FGF12: variants seen among roughly 807,000 people sequenced by gnomAD.
FGF12 encodes fibroblast growth factor 12.
FGF12 carries 14 observed loss-of-function variants against 23.6 expected under a neutral mutation model. The ratio of observed to expected loss-of-function variants is 0.59; its 90% CI spans 0.39 to 0.93. The LOEUF (loss-of-function observed/expected upper bound fraction) is 0.93. FGF12 is among the 40% of genes least tolerant of loss of function. The pLI is 0.00. For synonymous variants in FGF12, 62 were observed against 77.3 expected (o/e 0.80, Z 1.04); for missense variants, 175 against 217.8 (o/e 0.80, Z 1.24).
At chr3:192,524,637 G>A (rs948217960) in intron 2 of FGF12, among the ~76,000 whole-genome samples, 1 of 152,168 alleles carries the variant, frequency 6.6e-6, no homozygotes, top group African/African-American at 2.4e-5. Flanking sequence ...ACAAGTGTAC[G>A]TATGTATATA....
In FGF12 at chr3:192,408,490, C is replaced by A; in HGVS notation, c.14-47952G>T. The A allele has an allele frequency of 7.7e-7, 1 of 1,302,532 alleles. No homozygotes were observed. The highest frequency in any genetic ancestry group is 9.7e-7 in the Non-Finnish European group (1 of 1,026,972). 80.7% of individuals were successfully genotyped at this position (1,302,532 alleles called of 1,614,324 possible). A position where few individuals can be genotyped will look rare whatever the true frequency, so the allele number is the denominator to read the frequency against. The stretch of plus-strand genomic sequence containing the variant: ...GCGGGGCGGGGCGGTCCCAGGCCCT[C>A]TTGCGAAGTAGACGTTTGCACCCCA... On this transcript the variant is annotated intron_variant, in intron 2 of 5. Transcript: ENST00000445105. The surrounding 1 kb of genome is among the most constrained non-coding windows in gnomAD (Gnocchi z 7.3).
At chr3:192,369,528 A>T (rs141990783) in intron 2 of FGF12, among the ~76,000 whole-genome samples, 2 of 152,224 alleles carry the variant, frequency 1.3e-5, no homozygotes, top group African/African-American at 4.8e-5. Flanking sequence ...TCTTCACCAA[A>T]GCAGTCTGAG....
chr3:192,276,184 G>GC (rs1353672400), intron 4 of FGF12, among the ~76,000 whole-genome samples: 1 of 151,562 alleles, frequency 6.6e-6, no homozygotes, highest in Admixed American at 6.6e-5. Context: ...TGATTCACCA[G>GC]TCGTACAGTC....
chr3:192,514,165 ATC>A lies in FGF12; in HGVS notation c.14-153629_14-153628del, dbSNP rs1724580921. 6.6e-6 allele frequency among the ~76,000 whole-genome samples: 1 copy of A among 152,192 alleles called. No homozygotes were observed. Among genetic ancestry groups the A allele is most frequent in the Admixed American group, 6.5e-5 (1 of 15,280 alleles). On this transcript the variant is annotated intron_variant, in intron 2 of 5. Coordinates refer to ENST00000445105, the MANE Select transcript of FGF12 (RefSeq NM_004113.6). This position sits in a 1 kb window ranked among gnomAD's most constrained non-coding sequence, Gnocchi z 4.9. ...CAGCACCAAGGACAGAAATCGCTAA[ATC>A]TCCAGGGGAAACGTACCCCTAACCA... is the stretch of plus-strand genomic sequence containing the variant.
At chr3:192,658,455 A>G (rs2108682150) in intron 2 of FGF12, among the ~76,000 whole-genome samples, 1 of 152,310 alleles carries the variant, frequency 6.6e-6, no homozygotes, top group South Asian at 2.1e-4. Flanking sequence ...TGACTTTCTG[A>G]AGCTGAGCAA....
intron 2 of FGF12, among the ~76,000 whole-genome samples, chr3:192,523,709 C>T (rs1303911118): frequency 1.3e-5 from 2 of 152,142 alleles, no homozygotes; most frequent in Admixed American, 6.6e-5. Context: ...GCACATTTAG[C>T]GAGTGCATAT....
In FGF12 at chr3:192,458,985, T is replaced by C. The variant is rs140050985; in HGVS notation, c.14-98447A>G. On this transcript the variant is annotated intron_variant, in intron 2 of 5. Coordinates refer to ENST00000445105, the MANE Select transcript of FGF12 (RefSeq NM_004113.6). Reference sequence around the variant, plus strand: ...ATCTAATGGGTTTATCAGGGGTTTCTGCTTTTGCCTCTTCCTCATTTTCTC... The same window carrying C: ...ATCTAATGGGTTTATCAGGGGTTTCCGCTTTTGCCTCTTCCTCATTTTCTC... 1.9e-4 allele frequency among the ~76,000 whole-genome samples: 29 copies of C among 152,338 alleles called. No homozygotes were observed. In the East Asian group the frequency reaches 5.6e-3, roughly 29 times the overall value.
intron 2 of FGF12, among the ~76,000 whole-genome samples, chr3:192,613,683 TAAGAG>T (rs1714639859): frequency 6.6e-6 from 1 of 151,882 alleles, no homozygotes; most frequent in African/African-American, 2.4e-5. Flanking sequence ...TTTTCCCAGT[TAAGAG>T]AAGTCAAAGG....
chr3:192,444,843 T>C (rs1414851396), intron 2 of FGF12, among the ~76,000 whole-genome samples: 1 of 152,254 alleles, frequency 6.6e-6, no homozygotes, highest in African/African-American at 2.4e-5. Flanking sequence ...TCATGAATTC[T>C]CTATCTTAGG....
chr3:192,161,918 G>A (rs1247552066), intron 5 of FGF12, among the ~76,000 whole-genome samples: 5 of 152,002 alleles, frequency 3.3e-5, no homozygotes, highest in Admixed American at 2.6e-4. Context: ...CCTGTGTGTG[G>A]GAACACTGGA....
intron 2 of FGF12, among the ~76,000 whole-genome samples, chr3:192,648,595 T>G (rs997641518): frequency 4.6e-5 from 7 of 152,080 alleles, no homozygotes; most frequent in African/African-American, 1.7e-4. Flanking sequence ...CTTTTGTTGG[T>G]TTTCATTCTT....
At chr3:192,305,679 A>AAAAATATATATATATATATATAT (rs1423738741) in intron 4 of FGF12, among the ~76,000 whole-genome samples, 2 of 131,934 alleles carry the variant, frequency 1.5e-5, no homozygotes, top group South Asian at 2.6e-4. Flanking sequence ...AAAAAAAAAA[A>AAAAATATATATATATATATATAT]ATATATATAT....
At chr3:192,687,125 A>G (rs543207601) in intron 2 of FGF12, among the ~76,000 whole-genome samples, 8 of 150,764 alleles carry the variant, frequency 5.3e-5, no homozygotes, top group East Asian at 3.9e-4. Flanking sequence ...CACCGTGCCC[A>G]GCCCTCTGAT....
At chr3:192,628,617 CTG>C (rs1486639178) in intron 2 of FGF12, among the ~76,000 whole-genome samples, 4 of 150,070 alleles carry the variant, frequency 2.7e-5, no homozygotes, top group Non-Finnish European at 5.9e-5. Flanking sequence ...ATGGAGGACA[CTG>C]TGAGCCTGTG....
chr3:192,338,605 C>T (rs1717535028), intron 3 of FGF12, among the ~76,000 whole-genome samples: 1 of 152,008 alleles, frequency 6.6e-6, no homozygotes, highest in South Asian at 2.1e-4. Context: ...TCATCTCAAA[C>T]CAAAAAAACA....
intron 4 of FGF12, among the ~76,000 whole-genome samples, chr3:192,241,399 G>T (rs1225100984): frequency 6.6e-6 from 1 of 152,064 alleles, no homozygotes; most frequent in African/African-American, 2.4e-5. Flanking sequence ...GAATATAAAT[G>T]TATTTAATAT....
intron 5 of FGF12, among the ~76,000 whole-genome samples, chr3:192,168,007 C>T (rs1283973366): frequency 5.3e-5 from 8 of 151,290 alleles, no homozygotes; most frequent in East Asian, 2.0e-4. Flanking sequence ...CCTCGTGATC[C>T]GCCCACCTCG....
At chr3:192,208,466 A>G (rs1717762872) in intron 4 of FGF12, among the ~76,000 whole-genome samples, 2 of 152,318 alleles carry the variant, frequency 1.3e-5, no homozygotes, top group Non-Finnish European at 2.9e-5. Context: ...CTCTGTCCAC[A>G]GTTTCTCATC....
intron 4 of FGF12, among the ~76,000 whole-genome samples, chr3:192,221,698 A>C (rs2108573524): frequency 6.6e-6 from 1 of 152,334 alleles, no homozygotes; most frequent in Admixed American, 6.5e-5. Context: ...ATATAGTTCA[A>C]GTCTTGGACA....
Sources: allele counts gnomAD v4.1 joint callset (sites outside exome capture counted in the v4.1 genomes callset), GRCh38; gene constraint gnomAD v4.1.1; non-coding constraint Gnocchi (gnomAD v3.1); transcripts MANE v1.5; gene names NCBI Gene and HGNC (gene_info 2026-07-23, HGNC 2026-07-21).